The following SOX5 variants were observed in gnomAD, a reference collection of about 807,000 sequenced individuals.
The protein encoded by SOX5 is transcription factor SOX-5.
SOX5 carries 9 observed loss-of-function variants against 92.0 expected under a neutral mutation model. That is an observed-to-expected ratio of 0.10 (90% confidence interval 0.06 to 0.17). SOX5 has a LOEUF of 0.17. Among genes scored for constraint, SOX5 ranks in the 10% least tolerant of loss-of-function variants. The probability of loss-of-function intolerance (pLI) is 1.00; values close to 1 mark genes in which losing one functional copy is unlikely to be tolerated. For missense variants in SOX5, 642 were observed against 944.5 expected (o/e 0.68, Z 4.20); for synonymous variants, 344 against 336.3 (o/e 1.02, Z -0.25).
chr12:23,777,999 A>T (rs2095161305), intron 3 of SOX5, among the ~76,000 whole-genome samples: 1 of 152,214 alleles, frequency 6.6e-6, no homozygotes, highest in South Asian at 2.1e-4. Flanking sequence ...CAAATCAACA[A>T]CTTCATCTGA....
intron 7 of SOX5, among the ~76,000 whole-genome samples, chr12:23,661,950 G>A (rs2083107515): frequency 6.6e-6 from 1 of 152,110 alleles, no homozygotes; most frequent in South Asian, 2.1e-4. Context: ...ATACAGTCTG[G>A]TGTGTGTTTA....
At position 23,584,710 on chromosome 12, in the gene SOX5, C is replaced by G. The variant is rs1950485307; in HGVS notation, c.1165-8872G>C. ...GGCCAAATTGTCTAAGGCACAGAAC[C>G]TTGGAGAAGGACAGGTGTGAGTGTG... On this transcript the variant is annotated intron_variant, in intron 9 of 14. Coordinates refer to ENST00000451604, the MANE Select transcript of SOX5 (RefSeq NM_006940.6). 4 of 736,204 alleles carry G rather than the reference C, an allele frequency of 5.4e-6. 1 individual carries two copies. The Admixed American group carries it at 8.2e-5, about 15-fold the overall frequency. The allele number at this position is 736,204 out of a possible 1,614,324, so 45.6% of individuals were successfully genotyped here.
At chr12:23,572,456 G>A (rs1340748903) in intron 10 of SOX5, among the ~76,000 whole-genome samples, 8 of 148,812 alleles carry the variant, frequency 5.4e-5, no homozygotes, top group Non-Finnish European at 7.5e-5. Flanking sequence ...GGACTTTTCA[G>A]AAAAAAAAAA....
intron 1 of SOX5, among the ~76,000 whole-genome samples, chr12:23,933,290 AATT>A (rs1158566208): frequency 6.6e-6 from 1 of 151,580 alleles, no homozygotes; most frequent in African/African-American, 2.4e-5. Flanking sequence ...ATCCTGCCTC[AATT>A]ATCAGATGGA....
chr12:24,118,030 AAAAAAAAAG>A (rs1372808019), intron 4 of SOX5, among the ~76,000 whole-genome samples: 8 of 149,350 alleles, frequency 5.4e-5, no homozygotes, highest in South Asian at 2.1e-4. Flanking sequence ...AAAAAAAAAA[AAAAAAAAAG>A]AAAAAAAAAA....
chr12:23,587,039 C>T (rs1950851853), intron 9 of SOX5, among the ~76,000 whole-genome samples: 1 of 151,630 alleles, frequency 6.6e-6, no homozygotes, highest in Non-Finnish European at 1.5e-5. Context: ...GAAATAAATA[C>T]TTAAAGCCCA....
At chr12:24,125,019 A>G (rs936567021) in intron 4 of SOX5, among the ~76,000 whole-genome samples, 3 of 152,236 alleles carry the variant, frequency 2.0e-5, no homozygotes, top group Non-Finnish European at 4.4e-5. Context: ...ATGATTATAA[A>G]TATAGCCATT....
At chr12:24,499,714 A>C (rs1006855701) in intron 1 of SOX5, among the ~76,000 whole-genome samples, 1 of 151,954 alleles carries the variant, frequency 6.6e-6, no homozygotes, top group African/African-American at 2.4e-5. Context: ...GGATGCTAAT[A>C]ACACTTTAAA....
intron 1 of SOX5, among the ~76,000 whole-genome samples, chr12:24,530,761 T>A (rs376157634): frequency 1.4e-4 from 21 of 151,646 alleles, no homozygotes; most frequent in South Asian, 4.2e-4. Flanking sequence ...AAAAAAAAGA[T>A]TAAATAGCAC....
intron 4 of SOX5, among the ~76,000 whole-genome samples, chr12:24,208,494 T>C (rs535135182): frequency 4.6e-5 from 7 of 152,306 alleles, no homozygotes; most frequent in Admixed American, 2.0e-4. Context: ...GCTTTAAATA[T>C]ATCCTTGGCA....
intron 4 of SOX5, among the ~76,000 whole-genome samples, chr12:23,998,926 G>A (rs184742057): frequency 6.4e-4 from 96 of 150,316 alleles, no homozygotes; most frequent in African/African-American, 2.2e-3. Flanking sequence ...CAAACCACAA[G>A]TATGATAAAC....
chr12:24,477,265 C>G (rs1400192883), intron 1 of SOX5, among the ~76,000 whole-genome samples: 1 of 151,876 alleles, frequency 6.6e-6, no homozygotes, highest in African/African-American at 2.4e-5. Context: ...TCTCGAATAG[C>G]TGGGATTACA....
At chr12:24,295,463 G>A (rs1213711541) in intron 2 of SOX5, among the ~76,000 whole-genome samples, 1 of 152,188 alleles carries the variant, frequency 6.6e-6, no homozygotes, top group Non-Finnish European at 1.5e-5. Context: ...GGACGGAAGT[G>A]CAAATATATA....
At chr12:23,689,811 G>C (rs1486976595) in intron 6 of SOX5, among the ~76,000 whole-genome samples, 1 of 152,130 alleles carries the variant, frequency 6.6e-6, no homozygotes, top group Non-Finnish European at 1.5e-5. Context: ...GTATGTCCTA[G>C]AGTCCGGTGA....
intron 3 of SOX5, among the ~76,000 whole-genome samples, chr12:23,814,435 A>G (rs569365866): frequency 9.2e-4 from 140 of 152,308 alleles, no homozygotes; most frequent in African/African-American, 3.3e-3. Context: ...AGTGGAAAAG[A>G]CTGTACAACA....
intron 4 of SOX5, among the ~76,000 whole-genome samples, chr12:24,100,188 CAAAT>C (rs1336483116): frequency 6.6e-6 from 1 of 151,970 alleles, no homozygotes; most frequent in Non-Finnish European, 1.5e-5. Flanking sequence ...CATCTTAAAA[CAAAT>C]AAACAACACT....
intron 4 of SOX5, among the ~76,000 whole-genome samples, chr12:23,999,413 T>C (rs1008224625): frequency 2.6e-5 from 4 of 152,096 alleles, no homozygotes; most frequent in Non-Finnish European, 4.4e-5. Context: ...TTAATAATAA[T>C]GTACAATATA....
intron 4 of SOX5, among the ~76,000 whole-genome samples, chr12:24,050,655 A>G (rs976340885): frequency 6.6e-6 from 1 of 152,188 alleles, no homozygotes; most frequent in Non-Finnish European, 1.5e-5. Context: ...ACAGAGAGGT[A>G]CAGTTCTTTA....
At chr12:24,249,243 A>G (rs564515314) in intron 3 of SOX5, among the ~76,000 whole-genome samples, 79 of 152,204 alleles carry the variant, frequency 5.2e-4, no homozygotes, top group South Asian at 4.1e-4. Flanking sequence ...TTGCCCTCCT[A>G]ACCTAACTCC....
Sources: allele counts gnomAD v4.1 joint callset (sites outside exome capture counted in the v4.1 genomes callset), GRCh38; gene constraint gnomAD v4.1.1; transcripts MANE v1.5; gene names NCBI Gene and HGNC (gene_info 2026-07-23, HGNC 2026-07-21).